The following FBXW10 variants were observed in gnomAD, a reference collection of about 807,000 sequenced individuals.
The protein encoded by FBXW10 is F-box/WD repeat-containing protein 10.
A neutral mutation model predicts 113.1 loss-of-function variants in FBXW10; 68 were observed. The ratio of observed to expected loss-of-function variants is 0.60; its 90% CI spans 0.49 to 0.74. The LOEUF (loss-of-function observed/expected upper bound fraction) is 0.74, where lower values mean the gene tolerates loss of function less well. Among genes scored for constraint, FBXW10 ranks in the 30% least tolerant of loss-of-function variants. FBXW10 has a pLI of 0.00. For missense variants in FBXW10, 753 were observed against 1,284.5 expected (o/e 0.59, Z 6.32); for synonymous variants, 289 against 481.6 (o/e 0.60, Z 5.24).
rs1290401881 is a variant in FBXW10 at position 18,778,993 on chromosome 17, C to T, written c.2854C>T (p.Arg952Cys). 49 of 1,597,962 alleles carry T rather than the reference C, an allele frequency of 3.1e-5. No homozygotes were observed. The highest frequency in any genetic ancestry group is 1.7e-4 in the Middle Eastern group (1 of 6,058). The stretch of plus-strand genomic sequence containing the variant: ...CAGTATGCAGGTCATTAAACCAAAC[C>T]GCATGCTAGCTCCACAAGTGGGCAC... ...LTSMQVIKPNRMLAPQVGTAT... is the reference protein window; with the variant it reads ...LTSMQVIKPNCMLAPQVGTAT... Residue 952 changes from arginine to cysteine, a missense_variant, in exon 14 of 14, where the codon CGC becomes TGC. Coordinates refer to ENST00000395665, the MANE Select transcript of FBXW10 (RefSeq NM_001267585.2).
chr17:18,751,268 C>G (rs1222598062), intron 5 of FBXW10, among the ~76,000 whole-genome samples: 4 of 151,008 alleles, frequency 2.6e-5, no homozygotes, highest in Admixed American at 6.6e-5. Context: ...CTATGTCACC[C>G]AGGCTGGAGT....
intron 1 of FBXW10, among the ~76,000 whole-genome samples, chr17:18,747,716 A>G (rs1335186490): frequency 6.6e-6 from 1 of 152,076 alleles, no homozygotes; most frequent in Non-Finnish European, 1.5e-5. Context: ...TGTATAAACA[A>G]CTCGAGAAAT....
intron 9 of FBXW10, among the ~76,000 whole-genome samples, chr17:18,768,179 T>G (rs1165555943): frequency 6.6e-6 from 1 of 152,022 alleles, no homozygotes; most frequent in African/African-American, 2.4e-5. Flanking sequence ...GCGATTCTCC[T>G]GCCTCAGCCA....
chr17:18,752,341 GT>G (rs1344043039), intron 5 of FBXW10, among the ~76,000 whole-genome samples: 9 of 152,102 alleles, frequency 5.9e-5, no homozygotes, highest in African/African-American at 2.2e-4. Flanking sequence ...GAAACCTGAG[GT>G]ATTATGTGAA....
intron 10 of FBXW10, among the ~76,000 whole-genome samples, chr17:18,768,971 C>G (rs920204613): frequency 7.5e-6 from 1 of 133,942 alleles, no homozygotes; most frequent in Non-Finnish European, 1.5e-5. Context: ...GAGTCTCGCT[C>G]TGTTGCCAGG....
At chr17:18,744,922 A>G in intron 1 of FBXW10, 173 bp downstream of exon 1, 1 of 1,453,400 alleles carries the variant, frequency 6.9e-7, no homozygotes, top group African/African-American at 1.4e-5. Context: ...CTGTTTACCA[A>G]AGGAGAAATG....
At chr17:18,767,114 G>T (rs2035512444) in intron 9 of FBXW10, among the ~76,000 whole-genome samples, 1 of 152,122 alleles carries the variant, frequency 6.6e-6, no homozygotes, top group Admixed American at 6.6e-5. Context: ...GACTCAGCAT[G>T]AGATATGGGC....
At chr17:18,755,418 G>T (rs1363778383) in intron 5 of FBXW10, among the ~76,000 whole-genome samples, 2 of 152,140 alleles carry the variant, frequency 1.3e-5, no homozygotes, top group Non-Finnish European at 2.9e-5. Flanking sequence ...AGCTGGGCAT[G>T]GTGGTGCACG....
chr17:18,771,372 G>T (rs1349124172), intron 11 of FBXW10, among the ~76,000 whole-genome samples: 2 of 152,230 alleles, frequency 1.3e-5, no homozygotes, highest in African/African-American at 4.8e-5. Flanking sequence ...GTTAAGGGAA[G>T]AGCACAGAAA....
At chr17:18,773,712 G>T (rs1447568910) in intron 12 of FBXW10, among the ~76,000 whole-genome samples, 1 of 152,216 alleles carries the variant, frequency 6.6e-6, no homozygotes, top group Non-Finnish European at 1.5e-5. Context: ...CTTGAGAGGA[G>T]GGAACTGAGA....
intron 12 of FBXW10, among the ~76,000 whole-genome samples, chr17:18,774,664 G>A (rs185733880): frequency 5.9e-5 from 9 of 152,070 alleles, no homozygotes; most frequent in Admixed American, 4.6e-4. Flanking sequence ...GTGTGGTGGC[G>A]CATGCCTGTA....
chr17:18,751,283 T>C (rs2035165074), intron 5 of FBXW10, among the ~76,000 whole-genome samples: 1 of 151,234 alleles, frequency 6.6e-6, no homozygotes, highest in Non-Finnish European at 1.5e-5. Flanking sequence ...TGGAGTGCAG[T>C]GGCACAATCT....
intron 6 of FBXW10, among the ~76,000 whole-genome samples, chr17:18,757,390 G>C (rs2035287117): frequency 6.6e-6 from 1 of 152,190 alleles, no homozygotes; most frequent in Non-Finnish European, 1.5e-5. Context: ...TCGTTCTCTG[G>C]TCAGGTTGGT....
At chr17:18,774,509 T>C (rs2035669568) in intron 12 of FBXW10, among the ~76,000 whole-genome samples, 1 of 152,136 alleles carries the variant, frequency 6.6e-6, no homozygotes, top group African/African-American at 2.4e-5. Flanking sequence ...AACAATAATG[T>C]ATAGCCGGGC....
chr17:18,768,051 C>CTTCCTTCCTTCCTTCT lies in FBXW10; in HGVS notation c.1705-480_1705-479insCTTCCTTCCTTCTTTC, dbSNP rs1257481213. 1.1e-3 allele frequency among the ~76,000 whole-genome samples: 97 copies of CTTCCTTCCTTCCTTCT among 91,774 alleles called. 3 individuals carry two copies. Among genetic ancestry groups the CTTCCTTCCTTCCTTCT allele is most frequent in the Middle Eastern group, 5.9e-3 (1 of 170 alleles). The allele number at this position is 91,774 out of a possible 152,430, so 60.2% of individuals were successfully genotyped here. ...TCTTCCTTCCTTCCTTCCTTCCTTC[C>CTTCCTTCCTTCCTTCT]TTCTTTCTTTCTTTCTTTCTTCTTT... On this transcript the variant is annotated intron_variant, in intron 9 of 13. Coordinates refer to ENST00000395665, the MANE Select transcript of FBXW10 (RefSeq NM_001267585.2).
At chr17:18,762,583 A>T (rs891492104) in intron 7 of FBXW10, among the ~76,000 whole-genome samples, 11 of 152,148 alleles carry the variant, frequency 7.2e-5, no homozygotes, top group Non-Finnish European at 1.5e-4. Flanking sequence ...CGGCCTACCA[A>T]AGTGCTGGAA....
rs2035006294 is a variant in FBXW10 at position 18,744,705 on chromosome 17, A to G, written c.461A>G (p.Asn154Ser). Residue 154 changes from asparagine (N) to serine (S), a missense_variant, in exon 1 of 14, where the codon AAT becomes AGT. By Grantham distance (46) the Asn-to-Ser change is conservative (BLOSUM62 1). Transcript: ENST00000395665. ...CCCAAATTACTGCTCACTGCTGCCA[A>G]TGTGATCAGAGTCCTGTTTCTGAGA... ...CNPKLLLTAANVIRVLFLREE... is the reference protein window; with the variant it reads ...CNPKLLLTAASVIRVLFLREE... 5 of 1,613,792 alleles carry G rather than the reference A, an allele frequency of 3.1e-6. No homozygotes were observed. Among genetic ancestry groups the G allele is most frequent in the African/African-American group, 1.3e-5 (1 of 74,912 alleles).
chr17:18,775,187 G>C lies in FBXW10; in HGVS notation c.2330G>C (p.Arg777Thr), dbSNP rs2035679602. The C allele has an allele frequency of 1.9e-6, 3 of 1,603,238 alleles. No homozygotes were observed. The highest frequency in any genetic ancestry group is 2.6e-6 in the Non-Finnish European group (3 of 1,170,052). ...QSQGKSKSPR[R>T]DADDVEKAQK... ...CAAGGAAAGTCAAAATCACCCCGAA[G>C]AGATGGTAAGAAGAGAGTTTATTCT... Residue 777 changes from arginine to threonine, a missense_variant, in exon 13 of 14, where the codon AGA becomes ACA. Arg to Thr is a moderately conservative substitution (Grantham distance 71, BLOSUM62 -1). Transcript: ENST00000395665.
At chr17:18,777,130 C>T (rs1160200218) in intron 13 of FBXW10, among the ~76,000 whole-genome samples, 5 of 145,288 alleles carry the variant, frequency 3.4e-5, no homozygotes, top group African/African-American at 1.0e-4. Flanking sequence ...GGCGTGATCT[C>T]GGCTCACCGC....
Sources: allele counts gnomAD v4.1 joint callset (sites outside exome capture counted in the v4.1 genomes callset), GRCh38; gene constraint gnomAD v4.1.1; transcripts MANE v1.5; gene names NCBI Gene and HGNC (gene_info 2026-07-23, HGNC 2026-07-21).